Variants in RANBP3L observed in about 807,000 individuals in gnomAD.
RANBP3L encodes the protein RAN binding protein 3 like, also known as ran-binding protein 3-like.
Under a neutral mutation model 67.2 loss-of-function variants are expected in RANBP3L, and 56 were observed. The ratio of observed to expected loss-of-function variants is 0.83; its 90% CI spans 0.67 to 1.04. The LOEUF is 1.04. RANBP3L is among the 50% of genes least tolerant of loss of function. RANBP3L has a pLI of 0.00. For synonymous variants in RANBP3L, 164 were observed against 181.4 expected (o/e 0.90, Z 0.77); for missense variants, 496 against 535.5 (o/e 0.93, Z 0.73).
intron 1 of RANBP3L, among the ~76,000 whole-genome samples, chr5:36,272,747 C>T (rs533577718): frequency 1.3e-5 from 2 of 152,232 alleles, no homozygotes; most frequent in South Asian, 2.1e-4. Context: ...CGGATTGAAG[C>T]GATTCTCCTG....
chr5:36,273,347 G>C (rs1411839170), intron 1 of RANBP3L, among the ~76,000 whole-genome samples: 1 of 152,176 alleles, frequency 6.6e-6, no homozygotes, highest in African/African-American at 2.4e-5. Context: ...TAAAGAGGAA[G>C]TCACAAAGAG....
intron 1 of RANBP3L, among the ~76,000 whole-genome samples, chr5:36,290,868 A>G (rs536645996): frequency 6.8e-6 from 1 of 147,536 alleles, no homozygotes; most frequent in East Asian, 2.0e-4. Flanking sequence ...AGTAGCTGGG[A>G]CTACAGGCAC....
At position 36,251,518 on chromosome 5, in the gene RANBP3L, A is replaced by AT; in HGVS notation, c.1168-20dup. On this transcript the variant is annotated intron_variant, in intron 12 of 13. Transcript: ENST00000296604. ...CACTGGCCTGCATGAGGAACATTAAATTGTTAAGAAAATCATTAATATGTT... is the reference window on the plus strand; with the variant it reads ...CACTGGCCTGCATGAGGAACATTAAATTTGTTAAGAAAATCATTAATATGTT... 1.3e-6 allele frequency: 2 copies of AT among 1,552,600 alleles called. No individual in the cohort carries two copies. Among genetic ancestry groups the AT allele is most frequent in the Non-Finnish European group, 1.7e-6 (2 of 1,144,480 alleles).
chr5:36,256,117 A>G (rs541543083), intron 10 of RANBP3L, among the ~76,000 whole-genome samples: 1 of 152,234 alleles, frequency 6.6e-6, no homozygotes, highest in African/African-American at 2.4e-5. Flanking sequence ...GATAACGTGG[A>G]GAAGTAGGAT....
chr5:36,296,338 T>A (rs80131417), intron 1 of RANBP3L, among the ~76,000 whole-genome samples: 1 of 152,164 alleles, frequency 6.6e-6, no homozygotes, highest in Admixed American at 6.5e-5. Flanking sequence ...AAGTCCTTCA[T>A]TTGTGGGTCT....
At chr5:36,284,714 T>C (rs1751205822) in intron 1 of RANBP3L, among the ~76,000 whole-genome samples, 1 of 152,222 alleles carries the variant, frequency 6.6e-6, no homozygotes, top group South Asian at 2.1e-4. Flanking sequence ...TATTTAAAGT[T>C]AAGCAAAAAC....
At chr5:36,287,770 A>T (rs535507674) in intron 1 of RANBP3L, among the ~76,000 whole-genome samples, 4 of 152,294 alleles carry the variant, frequency 2.6e-5, no homozygotes, top group South Asian at 4.1e-4. Context: ...ATTAATAGAG[A>T]AGTTCTAAGC....
intron 4 of RANBP3L, 109 bp downstream of exon 4, chr5:36,269,281 A>C: frequency 1.4e-6 from 1 of 698,586 alleles, no homozygotes; most frequent in African/African-American, 1.8e-5. Flanking sequence ...TATTATAAAC[A>C]CTATTCAGCT....
At chr5:36,250,258 T>C (rs1748499888) in intron 13 of RANBP3L, among the ~76,000 whole-genome samples, 1 of 151,870 alleles carries the variant, frequency 6.6e-6, no homozygotes, top group Non-Finnish European at 1.5e-5. Flanking sequence ...AAATAAAAGA[T>C]TTTTTTATTT....
intron 1 of RANBP3L, among the ~76,000 whole-genome samples, chr5:36,286,204 G>A (rs895343027): frequency 2.0e-5 from 3 of 152,108 alleles, no homozygotes; most frequent in African/African-American, 7.2e-5. Context: ...TGGTATTGAG[G>A]TTGAGAGGAG....
intron 1 of RANBP3L, among the ~76,000 whole-genome samples, chr5:36,283,132 A>G (rs987353884): frequency 2.6e-5 from 4 of 152,154 alleles, no homozygotes; most frequent in Non-Finnish European, 5.9e-5. Flanking sequence ...CAGTTGGCTC[A>G]CTACAACCTC....
At chr5:36,256,270 T>C (rs151264373) in intron 10 of RANBP3L, among the ~76,000 whole-genome samples, 29 of 152,174 alleles carry the variant, frequency 1.9e-4, no homozygotes, top group African/African-American at 6.7e-4. Context: ...CCAAGGGTTA[T>C]GCTTTGAGAC....
chr5:36,254,127 T>C (rs1748795534), intron 11 of RANBP3L, among the ~76,000 whole-genome samples: 1 of 152,014 alleles, frequency 6.6e-6, no homozygotes, highest in Non-Finnish European at 1.5e-5. Context: ...GTCCAAAAAA[T>C]GGAATTAGTT....
chr5:36,259,576 T>C (rs13360059), intron 8 of RANBP3L, among the ~76,000 whole-genome samples: 128,866 of 149,788 alleles, frequency 0.86, 56,963 homozygotes, highest in Non-Finnish European at 0.97. Flanking sequence ...GAGCAAGACC[T>C]CATCTTAAAA....
intron 10 of RANBP3L, among the ~76,000 whole-genome samples, 162 bp from the exon 11 acceptor site, chr5:36,255,752 A>G (rs1246459454): frequency 1.3e-5 from 2 of 152,186 alleles, no homozygotes; most frequent in African/African-American, 2.4e-5. Context: ...ATTTAGAAAC[A>G]TATAACTTTC....
rs7723762 is a variant in RANBP3L, at chr5:36,266,373, T to G, written c.269-853A>C. ...CATTTCAAAGGGATCTCCTCTTCAT[T>G]GCAAATTGCAGAAACAGCAACCTTT... On this transcript the variant is annotated intron_variant, in intron 4 of 13. Coordinates refer to ENST00000296604, the MANE Select transcript of RANBP3L (RefSeq NM_145000.5). 4.5e-3 allele frequency among the ~76,000 whole-genome samples: 679 copies of G among 152,298 alleles called. 5 individuals carry two copies. Among genetic ancestry groups the G allele is most frequent in the African/African-American group, 0.016 (650 of 41,556 alleles).
chr5:36,284,261 C>T (rs1751179741), intron 1 of RANBP3L, among the ~76,000 whole-genome samples: 1 of 152,120 alleles, frequency 6.6e-6, no homozygotes, highest in African/African-American at 2.4e-5. Flanking sequence ...TTCCTATGAC[C>T]TTTTGTTTGT....
At chr5:36,285,524 G>A (rs569812095) in intron 1 of RANBP3L, among the ~76,000 whole-genome samples, 79 of 152,308 alleles carry the variant, frequency 5.2e-4, no homozygotes, top group African/African-American at 1.7e-3. Context: ...TCAAAGTGCT[G>A]TATCATTTCT....
intron 2 of RANBP3L, among the ~76,000 whole-genome samples, chr5:36,270,718 G>A (rs1424731078): frequency 2.0e-5 from 3 of 152,030 alleles, no homozygotes; most frequent in Non-Finnish European, 2.9e-5. Context: ...GGCTGGCCTC[G>A]AACCCCAGGC....
Sources: allele counts gnomAD v4.1 joint callset (sites outside exome capture counted in the v4.1 genomes callset), GRCh38; gene constraint gnomAD v4.1.1; transcripts MANE v1.5; gene names NCBI Gene and HGNC (gene_info 2026-07-23, HGNC 2026-07-21).